The following HMOX1 variants were observed in gnomAD, a reference collection of about 807,000 sequenced individuals.
HMOX1 encodes heat shock protein, 32-kD.
Under a neutral mutation model 27.8 loss-of-function variants are expected in HMOX1, and 22 were observed. The observed-to-expected ratio is 0.79, with a 90% confidence interval of 0.57 to 1.13. HMOX1 has a LOEUF of 1.13. HMOX1 is among the 50% of genes most tolerant of loss of function. The pLI, the probability that HMOX1 is intolerant of heterozygous loss-of-function variation, is 0.00. For synonymous variants in HMOX1, 153 were observed against 151.6 expected (o/e 1.01, Z -0.07); for missense variants, 379 against 377.7 (o/e 1.00, Z -0.03).
chr22:35,389,341 C>CTCCTTCCT (rs1232057826), intron 3 of HMOX1, among the ~76,000 whole-genome samples: 752 of 62,538 alleles, frequency 0.012, 47 homozygotes, highest in African/African-American at 0.019. Context: ...TTTCTTTCTT[C>CTCCTTCCT]TCCTTCCTTC....
chr22:35,385,275 T>G (rs1231457897), intron 2 of HMOX1, among the ~76,000 whole-genome samples: 1 of 152,062 alleles, frequency 6.6e-6, no homozygotes, highest in Admixed American at 6.6e-5. Flanking sequence ...CACTTTCATT[T>G]CAGCTGTTCC....
At chr22:35,384,988 C>A (rs1220191139) in intron 2 of HMOX1, among the ~76,000 whole-genome samples, 1 of 151,944 alleles carries the variant, frequency 6.6e-6, no homozygotes, top group Non-Finnish European at 1.5e-5. Flanking sequence ...TTTCTGTCCC[C>A]TCAAGGAATA....
intron 3 of HMOX1, among the ~76,000 whole-genome samples, chr22:35,389,289 CTTCTTTCTTCTTTCTTTCTT>C (rs1931611133): frequency 1.6e-4 from 16 of 103,024 alleles, no homozygotes; most frequent in African/African-American, 7.4e-4. Context: ...CTCTCTCTCT[CTTCTTTCTTCTTTCTTTCTT>C]TCTTTCTTTC....
chr22:35,386,554 G>A, intron 2 of HMOX1, 131 bp from the exon 3 acceptor site: 2 of 1,077,104 alleles, frequency 1.9e-6, no homozygotes. Flanking sequence ...ATTGTAGCGA[G>A]GGGTGGCAGA....
intron 2 of HMOX1, 150 bp from the exon 3 acceptor site, chr22:35,386,535 G>A: frequency 1.1e-6 from 1 of 951,036 alleles, no homozygotes. Flanking sequence ...TGGCTGCTGT[G>A]TGAAGAGGAT....
intron 4 of HMOX1, among the ~76,000 whole-genome samples, chr22:35,392,305 C>T (rs1273900579): frequency 6.6e-6 from 1 of 151,824 alleles, no homozygotes; most frequent in Non-Finnish European, 1.5e-5. Context: ...GATAGCTATA[C>T]TCACACAAAC....
chr22:35,381,336 G>T, intron 1 of HMOX1, 140 bp downstream of exon 1: 1 of 988,420 alleles, frequency 1.0e-6, no homozygotes, highest in Non-Finnish European at 1.5e-6. Context: ...GGAGGTGCGG[G>T]GTTCTGATCC....
chr22:35,389,329 T>C (rs1467251983), intron 3 of HMOX1, among the ~76,000 whole-genome samples: 3 of 129,936 alleles, frequency 2.3e-5, no homozygotes, highest in South Asian at 2.4e-4. Flanking sequence ...CTTCTTTCTT[T>C]CTTTCTTTCT....
chr22:35,390,378 C>T (rs1490306523), intron 4 of HMOX1: 2 of 291,498 alleles, frequency 6.9e-6, no homozygotes, highest in African/African-American at 4.4e-5. Flanking sequence ...CGCCCACCAC[C>T]ATGCCTGGCT....
intron 2 of HMOX1, among the ~76,000 whole-genome samples, chr22:35,383,757 C>T (rs1043908425): frequency 2.6e-5 from 4 of 152,210 alleles, no homozygotes; most frequent in African/African-American, 9.6e-5. Flanking sequence ...GAGGGTGCCT[C>T]ATCTAATCTC....
chr22:35,387,300 G>A, intron 3 of HMOX1, 124 bp downstream of exon 3: 1 of 1,128,702 alleles, frequency 8.9e-7, no homozygotes, highest in Non-Finnish European at 1.3e-6. Flanking sequence ...TTCCAGCACT[G>A]CCACTTACTA....
At chr22:35,386,236 G>T (rs774431220) in intron 2 of HMOX1, among the ~76,000 whole-genome samples, 10 of 152,100 alleles carry the variant, frequency 6.6e-5, no homozygotes, top group Non-Finnish European at 8.8e-5. Context: ...GATTACAGGC[G>T]TGAGCCACCG....
At chr22:35,389,246 T>G (rs1931598605) in intron 3 of HMOX1, among the ~76,000 whole-genome samples, 1 of 129,038 alleles carries the variant, frequency 7.7e-6, no homozygotes. Flanking sequence ...TCTTTTTCTT[T>G]CTTTTCTCTC....
chr22:35,393,364 A>C (rs1601745667), intron 4 of HMOX1, 104 bp from the exon 5 acceptor site: 2 of 1,402,378 alleles, frequency 1.4e-6, no homozygotes, highest in East Asian at 4.6e-5. Context: ...TTGGGCAGTG[A>C]CTGTACCACA....
intron 4 of HMOX1, chr22:35,390,194 G>A: frequency 1.8e-6 from 1 of 557,480 alleles, no homozygotes; most frequent in Non-Finnish European, 3.2e-6. Flanking sequence ...CCCACATGCT[G>A]CAGTTACAGG....
Position 35,389,922 on chromosome 22 carries a change from G to A in HMOX1, c.695G>A (p.Arg232Gln), listed in dbSNP as rs1414251328. ...THDTKDQSPSRAPGLRQRASN... is the reference protein window; with the variant it reads ...THDTKDQSPSQAPGLRQRASN... ...GACACCAAGGACCAGAGCCCCTCAC[G>A]GGCACCAGGGCTTCGCCAGCGGGCC... The change falls in exon 4 of 5, where the codon CGG becomes CAG. Residue 232 changes from arginine to glutamine, a missense_variant. Arg to Gln is a conservative substitution (Grantham distance 43, BLOSUM62 1). Transcript: ENST00000216117. 9 of 1,611,996 alleles carry A rather than the reference G, an allele frequency of 5.6e-6. No individual in the cohort carries two copies. The Admixed American group carries it at 6.7e-5, about 12-fold the overall frequency.
chr22:35,382,534 T>G (rs1931407938), intron 1 of HMOX1, among the ~76,000 whole-genome samples: 2 of 145,524 alleles, frequency 1.4e-5, no homozygotes, highest in Non-Finnish European at 3.1e-5. Context: ...TTTTTTTTTT[T>G]GTATTTTTAG....
At chr22:35,386,545 T>C (rs892771144) in intron 2 of HMOX1, 140 bp from the exon 3 acceptor site, 12 of 1,003,018 alleles carry the variant, frequency 1.2e-5, no homozygotes, top group Non-Finnish European at 1.7e-5. Flanking sequence ...GTGAAGAGGA[T>C]TGTAGCGAGG....
intron 4 of HMOX1, among the ~76,000 whole-genome samples, chr22:35,390,617 T>G (rs1931692453): frequency 6.6e-6 from 1 of 152,174 alleles, no homozygotes; most frequent in Non-Finnish European, 1.5e-5. Context: ...GCCATGAGAC[T>G]TCTCCCTACC....
Sources: allele counts gnomAD v4.1 joint callset (sites outside exome capture counted in the v4.1 genomes callset), GRCh38; gene constraint gnomAD v4.1.1; transcripts MANE v1.5; gene names NCBI Gene and HGNC (gene_info 2026-07-23, HGNC 2026-07-21).